Variants in FSD2 observed in about 807,000 individuals in gnomAD.
The protein encoded by FSD2 is fibronectin type III and SPRY domain-containing protein 2.
FSD2 carries 71 observed loss-of-function variants against 80.4 expected under a neutral mutation model. The ratio of observed to expected loss-of-function variants is 0.88; its 90% CI spans 0.73 to 1.08. FSD2 has a LOEUF of 1.08. FSD2 is among the 50% of genes least tolerant of loss of function. FSD2 has a pLI of 0.00. For missense variants in FSD2, 923 were observed against 913.8 expected (o/e 1.01, Z -0.13); for synonymous variants, 361 against 329.5 (o/e 1.10, Z -1.03).
rs1041835383 is a variant in FSD2, at chr15:82,756,265, C to T, written c.*3083G>A. On this transcript the variant is annotated 3_prime_UTR_variant, in exon 13 of 13. Coordinates refer to ENST00000334574, the MANE Select transcript of FSD2 (RefSeq NM_001007122.4). ...TTATAGTGCAGTCTGGTAGCTGAAC[C>T]GCCTTGCATCAAGACCAATGTAGTC... The T allele has an allele frequency of 2.8e-5, 6 of 215,614 alleles. No homozygotes were observed. The highest frequency in any genetic ancestry group is 1.1e-4 in the East Asian group (1 of 9,248). 13.4% of individuals were successfully genotyped at this position (215,614 alleles called of 1,614,324 possible).
rs567438743 is a variant in FSD2 at position 82,767,527 on chromosome 15, T to C, written c.1553+1353A>G. ...TTTCTTCAGCAATGGGTCGCCATGATTGGATTTGTACTGGAAGAATATGCA... is the reference window on the plus strand; with the variant it reads ...TTTCTTCAGCAATGGGTCGCCATGACTGGATTTGTACTGGAAGAATATGCA... On this transcript the variant is annotated intron_variant, in intron 9 of 12. Transcript: ENST00000334574. Among the ~76,000 whole-genome samples, 10 of 152,208 alleles carry C rather than the reference T, an allele frequency of 6.6e-5. No individual in the cohort carries two copies. The South Asian group carries it at 2.1e-3, about 32-fold the overall frequency.
chr15:82,801,844 C>T (rs2050420771), intron 1 of FSD2, among the ~76,000 whole-genome samples: 1 of 152,152 alleles, frequency 6.6e-6, no homozygotes, highest in Non-Finnish European at 1.5e-5. Context: ...GCACACAAGG[C>T]ACCAGCTCCA....
chr15:82,802,213 C>A (rs147220950), intron 1 of FSD2, among the ~76,000 whole-genome samples: 3 of 152,286 alleles, frequency 2.0e-5, no homozygotes, highest in Non-Finnish European at 2.9e-5. Context: ...TGCATCCCAG[C>A]AAAACCAGTG....
chr15:82,765,223 C>A lies in FSD2; in HGVS notation c.1763G>T (p.Arg588Leu), dbSNP rs757036146. 14 of 1,610,762 alleles carry A rather than the reference C, an allele frequency of 8.7e-6. No homozygotes were observed. Among genetic ancestry groups the A allele is most frequent in the African/African-American group, 2.7e-5 (2 of 74,836 alleles). The change falls in exon 11 of 13, where the codon CGA becomes CTA. Residue 588 changes from arginine to leucine, a missense_variant. Physicochemically the swap from Arg to Leu is moderately radical, Grantham distance 102 (BLOSUM62 -2). Transcript: ENST00000334574. ...TISEDGLTAV[R>L]SERRTPAREL... ...CCTGGCGGGGGTTCTCCTTTCACTTCGTACAGCCGTAAGTCCGTCTTCAGA... is the reference window on the plus strand; with the variant it reads ...CCTGGCGGGGGTTCTCCTTTCACTTAGTACAGCCGTAAGTCCGTCTTCAGA...
At chr15:82,798,231 G>C (rs1184334480) in intron 1 of FSD2, among the ~76,000 whole-genome samples, 1 of 152,138 alleles carries the variant, frequency 6.6e-6, no homozygotes, top group Non-Finnish European at 1.5e-5. Context: ...TGCAGTCCCA[G>C]CTACTCGGGA....
At chr15:82,762,023 T>C in intron 12 of FSD2, 79 bp downstream of exon 12, 1 of 1,184,662 alleles carries the variant, frequency 8.4e-7, no homozygotes. Flanking sequence ...ACGTGTGTCT[T>C]AATTATTGCT....
In FSD2 at chr15:82,758,614, G is replaced by A. The variant is rs2049219629; in HGVS notation, c.*734C>T. ...CCATCCTTCACATGGAGAGCAGTAA[G>A]AGGCCAAAGAGCAGTGGCTGAAGAA... On this transcript the variant is annotated 3_prime_UTR_variant, in exon 13 of 13. Coordinates refer to ENST00000334574, the MANE Select transcript of FSD2 (RefSeq NM_001007122.4). 2 of 152,998 alleles carry A rather than the reference G, an allele frequency of 1.3e-5. No individual in the cohort carries two copies. The highest frequency in any genetic ancestry group is 6.5e-5 in the Admixed American group (1 of 15,276). The allele number at this position is 152,998 out of a possible 1,614,324, so 9.5% of individuals were successfully genotyped here. A position where few individuals can be genotyped will look rare whatever the true frequency, so the allele number is the denominator to read the frequency against.
intron 9 of FSD2, among the ~76,000 whole-genome samples, chr15:82,766,474 G>T (rs2049424652): frequency 6.6e-6 from 1 of 152,154 alleles, no homozygotes; most frequent in South Asian, 2.1e-4. Flanking sequence ...AGGTGCAATG[G>T]CTCATGCCTG....
chr15:82,756,101 A>C lies in FSD2; in HGVS notation c.*3247T>G. ...CACGCTTTCCATTGTCTTCCTATAG[A>C]AAATAGGAGTAGTACACTTATAGAT... On this transcript the variant is annotated 3_prime_UTR_variant, in exon 13 of 13. Coordinates refer to ENST00000334574, the MANE Select transcript of FSD2 (RefSeq NM_001007122.4). The C allele has an allele frequency of 2.2e-6, 1 of 450,422 alleles. No individual in the cohort carries two copies. Among genetic ancestry groups the C allele is most frequent in the Non-Finnish European group, 4.5e-6 (1 of 220,100 alleles). The allele number at this position is 450,422 out of a possible 1,614,324, so 27.9% of individuals were successfully genotyped here. A position where few individuals can be genotyped will look rare whatever the true frequency, so the allele number is the denominator to read the frequency against.
intron 11 of FSD2, 21 bp from the exon 12 acceptor site, chr15:82,762,299 C>T: frequency 6.2e-7 from 1 of 1,609,142 alleles, no homozygotes; most frequent in East Asian, 2.2e-5. Context: ...AAAGTGGAAG[C>T]ATGTGTGATC....
intron 9 of FSD2, 31 bp downstream of exon 9, chr15:82,768,849 C>T (rs761976708): frequency 6.9e-5 from 100 of 1,452,558 alleles, no homozygotes; most frequent in Non-Finnish European, 8.8e-5. Flanking sequence ...TGTCAGGGCT[C>T]TCGTGCCCAG....
At position 82,769,042 on chromosome 15, in the gene FSD2, A is replaced by G; in HGVS notation, c.1403-12T>C. 2 of 1,555,664 alleles carry G rather than the reference A, an allele frequency of 1.3e-6. No homozygotes were observed. Among genetic ancestry groups the G allele is most frequent in the Non-Finnish European group, 1.7e-6 (2 of 1,153,354 alleles). On this transcript the variant is annotated splice_polypyrimidine_tract_variant and intron_variant, in intron 8 of 12. Transcript: ENST00000334574. ...GGGGGGAGAAGGTGCTAAATGTGGGAGAAAGGGAGAGATGAACAACTGTTG... is the reference window on the plus strand; with the variant it reads ...GGGGGGAGAAGGTGCTAAATGTGGGGGAAAGGGAGAGATGAACAACTGTTG...
intron 11 of FSD2, among the ~76,000 whole-genome samples, chr15:82,763,323 T>C (rs969051063): frequency 1.2e-4 from 18 of 152,236 alleles, no homozygotes; most frequent in Non-Finnish European, 2.9e-5. Flanking sequence ...GGGAATAATG[T>C]AGTGGCTACA....
intron 9 of FSD2, among the ~76,000 whole-genome samples, chr15:82,767,266 G>A (rs919581761): frequency 1.3e-5 from 2 of 152,192 alleles, no homozygotes; most frequent in Non-Finnish European, 2.9e-5. Context: ...GGTGGGGGCA[G>A]GATGGCTTTT....
intron 11 of FSD2, 115 bp downstream of exon 11, chr15:82,765,051 T>A (rs1033342092): frequency 3.2e-6 from 4 of 1,254,048 alleles, no homozygotes; most frequent in Non-Finnish European, 4.3e-6. Flanking sequence ...CCTCACTCAT[T>A]TGTAGGATTC....
intron 6 of FSD2, among the ~76,000 whole-genome samples, chr15:82,776,386 G>C (rs759429053): frequency 6.6e-6 from 1 of 152,172 alleles, no homozygotes; most frequent in Non-Finnish European, 1.5e-5. Context: ...ATCTAGCCTG[G>C]AGAATGTTAC....
chr15:82,778,147 TATATATATATA>T lies in FSD2; in HGVS notation c.1111+608_1111+618del, dbSNP rs1206355227. 9.4e-5 allele frequency among the ~76,000 whole-genome samples: 13 copies of T among 137,656 alleles called. 1 individual carries two copies. The highest frequency in any genetic ancestry group is 3.4e-4 in the African/African-American group (12 of 34,958). 90.3% of individuals were successfully genotyped at this position (137,656 alleles called of 152,430 possible). A position where few individuals can be genotyped will look rare whatever the true frequency, so the allele number is the denominator to read the frequency against. ...AAAACCATATATATATATATATATATATATATATATAATAACTATTACATGATCTAGTAATT... is the reference window on the plus strand; with the variant it reads ...AAAACCATATATATATATATATATATATAACTATTACATGATCTAGTAATT... On this transcript the variant is annotated intron_variant, in intron 6 of 12. Coordinates refer to ENST00000334574, the MANE Select transcript of FSD2 (RefSeq NM_001007122.4).
chr15:82,763,801 C>T (rs551773304), intron 11 of FSD2, among the ~76,000 whole-genome samples: 2 of 152,300 alleles, frequency 1.3e-5, no homozygotes, highest in South Asian at 4.1e-4. Flanking sequence ...ATTCTCACCA[C>T]ATAGAGGATA....
In FSD2 at chr15:82,765,293, A is replaced by G; in HGVS notation, c.1693T>C (p.Tyr565His). ...CAAGTGTCCTTGTTTAGGCGAAAGT[A>G]GCTTCCTGTGGGAGGAGGAACACAC... is the stretch of plus-strand genomic sequence containing the variant. ...EPATVHTIGS[Y>H]FRLNKDTCHP... Residue 565 changes from tyrosine (Y) to histidine (H), a missense_variant, in exon 11 of 13, where the codon TAC (tyrosine) becomes CAC (histidine). Transcript: ENST00000334574. The G allele has an allele frequency of 6.2e-7, 1 of 1,613,234 alleles. No homozygotes were observed. The highest frequency in any genetic ancestry group is 8.5e-7 in the Non-Finnish European group (1 of 1,179,628).
Sources: gnomAD v4.1 joint callset for allele counts (sites outside exome capture counted in the v4.1 genomes callset) on GRCh38, gnomAD v4.1.1 for gene constraint, MANE v1.5 for transcripts, NCBI Gene and HGNC (gene_info 2026-07-23, HGNC 2026-07-21) for gene names.